Variants in ANO10 observed in about 807,000 individuals in gnomAD.
The protein encoded by ANO10 is anoctamin 10.
ANO10 carries 77 observed loss-of-function variants against 74.7 expected under a neutral mutation model. That is an observed-to-expected ratio of 1.03 (90% confidence interval 0.86 to 1.25). ANO10 has a LOEUF of 1.25. ANO10 is among the 50% of genes most tolerant of loss of function. The pLI is 0.00. For synonymous variants in ANO10, 279 were observed against 284.9 expected (o/e 0.98, Z 0.21); for missense variants, 721 against 778.1 (o/e 0.93, Z 0.87).
chr3:43,554,863 A>G (rs2079660444), intron 10 of ANO10, among the ~76,000 whole-genome samples: 3 of 152,122 alleles, frequency 2.0e-5, no homozygotes, highest in Admixed American at 1.3e-4. Context: ...CCACCCCAGG[A>G]CTAGAAAACT....
At chr3:43,540,093 C>T (rs946942523) in intron 11 of ANO10, among the ~76,000 whole-genome samples, 1 of 152,224 alleles carries the variant, frequency 6.6e-6, no homozygotes, top group Non-Finnish European at 1.5e-5. Context: ...CCTAATTTAG[C>T]ACTCCCAAGG....
intron 11 of ANO10, among the ~76,000 whole-genome samples, chr3:43,457,301 T>A (rs966770138): frequency 1.4e-4 from 21 of 152,348 alleles, no homozygotes; most frequent in African/African-American, 5.1e-4. Flanking sequence ...ATTTTCACAC[T>A]GCTATGAAGA....
intron 11 of ANO10, among the ~76,000 whole-genome samples, chr3:43,504,380 A>G (rs2077217110): frequency 6.6e-6 from 1 of 152,182 alleles, no homozygotes; most frequent in Admixed American, 6.5e-5. Flanking sequence ...AGTGTGATCT[A>G]CAGGTGAAAA....
intron 5 of ANO10, among the ~76,000 whole-genome samples, chr3:43,579,982 G>A (rs980378921): frequency 4.6e-5 from 7 of 151,712 alleles, no homozygotes; most frequent in East Asian, 3.9e-4. Context: ...GCAAAACCCC[G>A]TCTTTACAAA....
intron 11 of ANO10, among the ~76,000 whole-genome samples, chr3:43,470,556 C>A (rs1446741222): frequency 6.6e-6 from 1 of 151,812 alleles, no homozygotes; most frequent in Non-Finnish European, 1.5e-5. Flanking sequence ...TGGTCTCGAT[C>A]TCCTGACCTC....
chr3:43,597,443 T>C (rs559931240), intron 4 of ANO10, among the ~76,000 whole-genome samples: 126 of 152,242 alleles, frequency 8.3e-4, no homozygotes, highest in African/African-American at 2.8e-3. Context: ...TAAAAAATGA[T>C]GAGTTCATGT....
At chr3:43,527,805 T>C (rs898822914) in intron 11 of ANO10, among the ~76,000 whole-genome samples, 1 of 152,128 alleles carries the variant, frequency 6.6e-6, no homozygotes, top group Non-Finnish European at 1.5e-5. Flanking sequence ...AAATTTTCAC[T>C]AAGAAAAGGT....
chr3:43,454,418 T>G (rs770472303), intron 11 of ANO10, among the ~76,000 whole-genome samples: 2 of 152,132 alleles, frequency 1.3e-5, no homozygotes, highest in Non-Finnish European at 2.9e-5. Context: ...GCTGCTGTGT[T>G]GAGACCAGAC....
At chr3:43,617,208 A>G (rs942844015) in intron 1 of ANO10, among the ~76,000 whole-genome samples, 4 of 150,634 alleles carry the variant, frequency 2.7e-5, no homozygotes, top group African/African-American at 9.8e-5. Flanking sequence ...AGGGACATGA[A>G]GGCTTTAAGT....
chr3:43,370,261 C>G (rs2091560647), intron 12 of ANO10, among the ~76,000 whole-genome samples: 1 of 152,236 alleles, frequency 6.6e-6, no homozygotes, highest in Non-Finnish European at 1.5e-5. Flanking sequence ...CTCATGGCCA[C>G]TTAAGAATCC....
intron 11 of ANO10, among the ~76,000 whole-genome samples, chr3:43,528,262 T>C (rs991905358): frequency 2.0e-5 from 3 of 148,766 alleles, no homozygotes; most frequent in Admixed American, 6.7e-5. Context: ...AAAACAGACA[T>C]TGAGAATCAA....
intron 11 of ANO10, among the ~76,000 whole-genome samples, chr3:43,527,057 A>ACACG (rs1233286822): frequency 1.3e-5 from 2 of 151,534 alleles, no homozygotes; most frequent in Admixed American, 1.3e-4. Flanking sequence ...ACACACACAC[A>ACACG]CACACAGCAT....
At chr3:43,652,736 A>G (rs890734995) in intron 1 of ANO10, among the ~76,000 whole-genome samples, 5 of 152,146 alleles carry the variant, frequency 3.3e-5, no homozygotes, top group African/African-American at 1.2e-4. Flanking sequence ...TTAGAATCAA[A>G]TAAGGCCTTT....
intron 11 of ANO10, among the ~76,000 whole-genome samples, chr3:43,450,541 C>G (rs1037667850): frequency 1.3e-5 from 2 of 151,842 alleles, no homozygotes; most frequent in Non-Finnish European, 2.9e-5. Flanking sequence ...AATTCCATCT[C>G]AAAAAAAGAA....
Position 43,576,919 on chromosome 3 carries a change from A to G in ANO10, c.935T>C (p.Leu312Ser), listed in dbSNP as rs1229493583. The G allele has an allele frequency of 1.2e-6, 2 of 1,614,132 alleles. No homozygotes were observed. The highest frequency in any genetic ancestry group is 1.3e-5 in the African/African-American group (1 of 75,020). The part of the protein sequence containing the change: ...EPLYPSYKRQ[L>S]RIYLVSLPFV... ...TGGCAGGGAGACCAGGTAAATGCGCAACTGTCTCTTGTAGCTGGGGTACAG... is the reference window on the plus strand; with the variant it reads ...TGGCAGGGAGACCAGGTAAATGCGCGACTGTCTCTTGTAGCTGGGGTACAG... Residue 312 changes from leucine (L) to serine (S), a missense_variant, in exon 6 of 13, where the codon TTG (leucine) becomes TCG (serine). Leu to Ser is a moderately radical substitution (Grantham distance 145, BLOSUM62 -2). Transcript: ENST00000292246.
intron 1 of ANO10, among the ~76,000 whole-genome samples, chr3:43,659,117 T>A (rs2083890667): frequency 6.6e-6 from 1 of 152,122 alleles, no homozygotes; most frequent in East Asian, 1.9e-4. Context: ...ACAGCTCTGG[T>A]CTACAGCTCC....
intron 11 of ANO10, among the ~76,000 whole-genome samples, chr3:43,548,102 G>C (rs1161178026): frequency 6.6e-6 from 1 of 152,132 alleles, no homozygotes; most frequent in African/African-American, 2.4e-5. Context: ...CCACTGTTAC[G>C]GTATTGGTAA....
intron 12 of ANO10, among the ~76,000 whole-genome samples, chr3:43,421,104 T>A (rs2092813141): frequency 6.6e-6 from 1 of 152,048 alleles, no homozygotes; most frequent in Admixed American, 6.5e-5. Flanking sequence ...ACACCTGTAG[T>A]CCCAGCTACT....
chr3:43,442,110 T>G (rs1197153044), intron 11 of ANO10, among the ~76,000 whole-genome samples: 4 of 152,308 alleles, frequency 2.6e-5, no homozygotes, highest in South Asian at 4.1e-4. Context: ...GAATGCTTAG[T>G]CTTGCCACTT....
Sources: allele counts gnomAD v4.1 joint callset (sites outside exome capture counted in the v4.1 genomes callset), GRCh38; gene constraint gnomAD v4.1.1; transcripts MANE v1.5; gene names NCBI Gene and HGNC (gene_info 2026-07-23, HGNC 2026-07-21).